Variants in HTR4 observed in about 807,000 individuals in gnomAD.
HTR4 encodes 5-hydroxytryptamine (serotonin) receptor 4, G protein-coupled.
HTR4 carries 16 observed loss-of-function variants against 36.8 expected under a neutral mutation model. The observed-to-expected ratio is 0.43, with a 90% CI of 0.29 to 0.66. The LOEUF (loss-of-function observed/expected upper bound fraction) is 0.66, where lower values mean the gene tolerates loss of function less well. Among genes scored for constraint, HTR4 ranks in the 30% least tolerant of loss-of-function variants. The pLI, the probability that HTR4 is intolerant of heterozygous loss-of-function variation, is 0.13. For missense variants in HTR4, 438 were observed against 490.9 expected, an observed-to-expected ratio of 0.89 and a Z score of 1.02; for synonymous variants, 189 against 185.1, an observed-to-expected ratio of 1.02 and a Z score of -0.17.
chr5:148,626,248 T>C (rs2127296985), intron 2 of HTR4, among the ~76,000 whole-genome samples: 1 of 152,356 alleles, frequency 6.6e-6, no homozygotes, highest in East Asian at 1.9e-4. Flanking sequence ...CTGTCAGTGG[T>C]GCGATGATAA....
chr5:148,601,000 A>C (rs1008535369), intron 2 of HTR4, among the ~76,000 whole-genome samples: 12 of 149,014 alleles, frequency 8.1e-5, no homozygotes, highest in African/African-American at 2.5e-4. Context: ...AAAAAAAAAA[A>C]AAACAAATAA....
intron 2 of HTR4, among the ~76,000 whole-genome samples, chr5:148,573,391 T>C (rs2113884844): frequency 6.6e-6 from 1 of 152,140 alleles, no homozygotes; most frequent in African/African-American, 2.4e-5. Context: ...GTGTGCATTG[T>C]CAGGAGGCTC....
chr5:148,543,596 C>T (rs748283140), intron 4 of HTR4, among the ~76,000 whole-genome samples: 3 of 152,116 alleles, frequency 2.0e-5, no homozygotes, highest in Admixed American at 6.5e-5. Context: ...CAGGCAGTTG[C>T]TATTTACAGT....
chr5:148,604,089 T>C (rs545379685), intron 2 of HTR4, among the ~76,000 whole-genome samples: 2 of 152,254 alleles, frequency 1.3e-5, no homozygotes, highest in East Asian at 1.9e-4. Flanking sequence ...GAAAAACTTA[T>C]GGGTTTTCTC....
chr5:148,488,184 C>T (rs1282662440), intron 6 of HTR4, among the ~76,000 whole-genome samples: 2 of 152,190 alleles, frequency 1.3e-5, no homozygotes, highest in African/African-American at 4.8e-5. Flanking sequence ...CAGAATTCTA[C>T]TAAGGCTAGA....
At chr5:148,622,086 C>T (rs1752937763) in intron 2 of HTR4, among the ~76,000 whole-genome samples, 3 of 152,140 alleles carry the variant, frequency 2.0e-5, no homozygotes, top group Admixed American at 2.0e-4. Flanking sequence ...TTGCTCCAAA[C>T]CCCAGTGGCT....
At chr5:148,591,856 T>C (rs1307427388) in intron 2 of HTR4, among the ~76,000 whole-genome samples, 1 of 152,156 alleles carries the variant, frequency 6.6e-6, no homozygotes, top group African/African-American at 2.4e-5. Flanking sequence ...GGAGGGAGTG[T>C]AAATTAGTTT....
chr5:148,504,153 G>A (rs976715983), intron 6 of HTR4, among the ~76,000 whole-genome samples: 5 of 152,064 alleles, frequency 3.3e-5, no homozygotes, highest in African/African-American at 7.2e-5. Flanking sequence ...CCTAATAGAC[G>A]TCTACAGAAC....
chr5:148,623,710 T>A (rs552365775), intron 2 of HTR4, among the ~76,000 whole-genome samples: 3 of 152,326 alleles, frequency 2.0e-5, no homozygotes, highest in Middle Eastern at 3.4e-3. Context: ...GGAATTCTGA[T>A]ACACAGGAGG....
At chr5:148,642,017 C>G (rs1261756071) in intron 1 of HTR4, among the ~76,000 whole-genome samples, 2 of 152,146 alleles carry the variant, frequency 1.3e-5, no homozygotes, top group Non-Finnish European at 2.9e-5. Flanking sequence ...TTGCTTTGCT[C>G]CACTTTGTTT....
At chr5:148,463,773 C>T (rs1755350309) in intron 5 of HTR4, among the ~76,000 whole-genome samples, 1 of 151,318 alleles carries the variant, frequency 6.6e-6, no homozygotes, top group Non-Finnish European at 1.5e-5. Context: ...CCCAGAACAG[C>T]CAACACAATA....
At chr5:148,652,621 C>G (rs1045818660) in intron 1 of HTR4, among the ~76,000 whole-genome samples, 1 of 152,162 alleles carries the variant, frequency 6.6e-6, no homozygotes, top group Non-Finnish European at 1.5e-5. Flanking sequence ...CTACTGTCCT[C>G]TGGGCCCTGG....
chr5:148,462,337 T>C (rs1755297881), intron 5 of HTR4, among the ~76,000 whole-genome samples: 1 of 151,692 alleles, frequency 6.6e-6, no homozygotes, highest in Non-Finnish European at 1.5e-5. Context: ...AGAAGCGACA[T>C]CACTATAGAC....
chr5:148,464,881 T>C (rs1176460236), intron 5 of HTR4, among the ~76,000 whole-genome samples: 1 of 152,174 alleles, frequency 6.6e-6, no homozygotes, highest in Non-Finnish European at 1.5e-5. Flanking sequence ...CAACGGAATA[T>C]TATACTGTGC....
intron 6 of HTR4, among the ~76,000 whole-genome samples, chr5:148,498,716 T>A (rs1346457471): frequency 1.2e-4 from 19 of 152,188 alleles, no homozygotes; most frequent in Non-Finnish European, 2.1e-4. Context: ...GTGAAAAAGG[T>A]ATGTTCTGAA....
rs76824701 is a variant in HTR4, at chr5:148,523,844, G to A, written c.354-498C>T. 4.8e-3 allele frequency among the ~76,000 whole-genome samples: 736 copies of A among 152,178 alleles called. 4 individuals are homozygous for A. The highest frequency in any genetic ancestry group is 0.011 in the Admixed American group (162 of 15,284). ...TTGAGGAGCCTCTGCCCAGCCCTCT[G>A]GGCCTCAGTATCCAGGCAACTGTAA... On this transcript the variant is annotated intron_variant, in intron 4 of 6. Coordinates refer to ENST00000377888, the MANE Select transcript of HTR4 (RefSeq NM_000870.7).
At chr5:148,620,813 G>A (rs571297766) in intron 2 of HTR4, among the ~76,000 whole-genome samples, 5 of 152,114 alleles carry the variant, frequency 3.3e-5, no homozygotes, top group Admixed American at 6.6e-5. Flanking sequence ...ATGATATTCA[G>A]GAAGCCTTGA....
At chr5:148,470,148 T>C (rs1755528924) in intron 5 of HTR4, among the ~76,000 whole-genome samples, 1 of 152,234 alleles carries the variant, frequency 6.6e-6, no homozygotes, top group South Asian at 2.1e-4. Context: ...GTCACTATCT[T>C]ATTTAATATT....
At chr5:148,474,626 A>C (rs920819368), downstream of HTR4, among the ~76,000 whole-genome samples, 2 of 152,152 alleles carry the variant, frequency 1.3e-5, no homozygotes, top group African/African-American at 2.4e-5. Context: ...GACTACCCTC[A>C]CGTATTGTAA....
Sources: gnomAD v4.1 joint callset for allele counts (sites outside exome capture counted in the v4.1 genomes callset) on GRCh38, gnomAD v4.1.1 for gene constraint, MANE v1.5 for transcripts, NCBI Gene and HGNC (gene_info 2026-07-23, HGNC 2026-07-21) for gene names.